Variants in ADGRL2 observed in about 807,000 individuals in gnomAD.
ADGRL2 encodes the protein calcium-independent alpha-latrotoxin receptor 2.
ADGRL2 carries 44 observed loss-of-function variants against 157.4 expected under a neutral mutation model. The ratio of observed to expected loss-of-function variants is 0.28; its 90% CI spans 0.22 to 0.36. The LOEUF is 0.36. Among genes scored for constraint, ADGRL2 ranks in the 10% least tolerant of loss-of-function variants. ADGRL2 has a pLI of 1.00. For missense variants in ADGRL2, 1,510 were observed against 1,768.9 expected (o/e 0.85, Z 2.63); for synonymous variants, 585 against 624.7 (o/e 0.94, Z 0.95).
chr1:81,878,593 G>A (rs2093902314), intron 2 of ADGRL2, among the ~76,000 whole-genome samples: 1 of 152,112 alleles, frequency 6.6e-6, no homozygotes, highest in African/African-American at 2.4e-5. Context: ...TAACACACTA[G>A]CAGATGGTCA....
intron 3 of ADGRL2, among the ~76,000 whole-genome samples, chr1:81,585,209 C>T (rs565615715): frequency 1.5e-4 from 23 of 152,110 alleles, no homozygotes; most frequent in South Asian, 6.2e-4. Flanking sequence ...ATAAGGAAAG[C>T]GGAGTTTTTA....
rs540724174 is a variant in ADGRL2 at position 81,763,871 on chromosome 1, T to C, written c.-101+2019T>C. Among the ~76,000 whole-genome samples, 8 of 152,020 alleles carry C rather than the reference T, an allele frequency of 5.3e-5. No homozygotes were observed. In the South Asian group the frequency reaches 1.7e-3, roughly 32 times the overall value. ...AATATACAAAATTAGCTGGGCGTGG[T>C]GGTGCACGCCTGTAATCCCAGCTAC... On this transcript the variant is annotated intron_variant, in intron 2 of 20. Coordinates refer to the ADGRL2 transcript ENST00000359929.
At chr1:81,565,505 C>G (rs1430977275) in intron 2 of ADGRL2, among the ~76,000 whole-genome samples, 1 of 152,132 alleles carries the variant, frequency 6.6e-6, no homozygotes, top group Admixed American at 6.6e-5. Context: ...TTCAAAGAGG[C>G]ACTTGTGTTT....
chr1:81,826,080 AGAT>A (rs2091456624), intron 1 of ADGRL2, among the ~76,000 whole-genome samples: 2 of 152,212 alleles, frequency 1.3e-5, no homozygotes, highest in Admixed American at 6.5e-5. Flanking sequence ...CCCAAACTTA[AGAT>A]GAATAATGCT....
At position 81,332,863 on chromosome 1, in the gene ADGRL2, A is replaced by G. The variant is rs190330538; in HGVS notation, c.-302+26354A>G. On this transcript the variant is annotated intron_variant, in intron 1 of 24. Transcript: ENST00000370721. ...TTTGTGTTATTGTTTTGTGTTTTAA[A>G]AGTATATGTTTTTCTTTACCTTTGT... Among the ~76,000 whole-genome samples, 105 of 152,312 alleles carry G rather than the reference A, an allele frequency of 6.9e-4. No homozygotes were observed. The South Asian group carries it at 7.5e-3, about 11-fold the overall frequency.
chr1:81,528,664 A>G (rs1226509925), intron 2 of ADGRL2, among the ~76,000 whole-genome samples: 3 of 49,522 alleles, frequency 6.1e-5, no homozygotes, highest in South Asian at 1.0e-3. Context: ...AAAAAAAAAA[A>G]AAAAAAAAAA....
At chr1:81,890,117 T>C (rs1342271920) in intron 2 of ADGRL2, among the ~76,000 whole-genome samples, 2 of 152,192 alleles carry the variant, frequency 1.3e-5, no homozygotes, top group Non-Finnish European at 2.9e-5. Flanking sequence ...GATAGTTTCC[T>C]GATATAGTTT....
At chr1:81,513,920 C>G (rs1371771458) in intron 2 of ADGRL2, 6 of 152,176 alleles carry the variant, frequency 3.9e-5, no homozygotes. Flanking sequence ...TATTTATCCC[C>G]CCTTCCTGTC....
intron 1 of ADGRL2, among the ~76,000 whole-genome samples, chr1:81,388,473 A>G (rs2076477015): frequency 1.3e-5 from 2 of 152,118 alleles, no homozygotes; most frequent in Admixed American, 6.6e-5. Context: ...TTGCTCTTCA[A>G]TGTGCCAGAT....
Position 81,722,579 on chromosome 1 carries a change from T to G in ADGRL2, c.-143+22771T>G. ...TGGCGAGGGAAAGCACACAGACGCC[T>G]AGGCCACTGGGAAGATGTAGCCCAT... On this transcript the variant is annotated intron_variant, in intron 1 of 20. Transcript: ENST00000359929. The G allele has an allele frequency of 6.8e-6, 10 of 1,470,166 alleles. No individual in the cohort carries two copies. The South Asian group carries it at 1.0e-4, about 15-fold the overall frequency. 91.1% of individuals were successfully genotyped at this position (1,470,166 alleles called of 1,614,324 possible).
chr1:81,938,803 T>C (rs1380289829), intron 4 of ADGRL2, among the ~76,000 whole-genome samples: 1 of 66,854 alleles, frequency 1.5e-5, no homozygotes, highest in Admixed American at 1.4e-4. Context: ...TAATCCTATG[T>C]AGGACAGTGT....
chr1:81,985,812 G>A (rs1300273631), intron 21 of ADGRL2, among the ~76,000 whole-genome samples: 1 of 151,826 alleles, frequency 6.6e-6, no homozygotes. Context: ...CTTAAAATAT[G>A]CTAGGAAATG....
intron 1 of ADGRL2, among the ~76,000 whole-genome samples, chr1:81,333,059 A>C (rs1661378392): frequency 1.3e-5 from 2 of 152,140 alleles, no homozygotes; most frequent in South Asian, 4.1e-4. Flanking sequence ...CAAATCATGA[A>C]ACCTCTCTAG....
intron 1 of ADGRL2, among the ~76,000 whole-genome samples, chr1:81,810,634 T>C (rs1428722276): frequency 2.0e-5 from 3 of 151,898 alleles, no homozygotes; most frequent in African/African-American, 4.8e-5. Flanking sequence ...TTGGGAAACA[T>C]TAATTTTGAT....
chr1:81,956,013 A>G lies in ADGRL2; in HGVS notation c.1970A>G (p.Asp657Gly), dbSNP rs754177828. 4.3e-6 allele frequency: 7 copies of G among 1,611,606 alleles called. 1 individual carries two copies. The South Asian group carries it at 6.6e-5, about 15-fold the overall frequency. The part of the protein sequence containing the change: ...TLEEGAFVLA[D>G]NLLEPTRVSM... ...GAAGAAGGAGCTTTTGTCCTAGCTG[A>G]CAATCTTTTAGAACCAACAAGGGTC... Residue 657 changes from aspartate to glycine, a missense_variant, in exon 11 of 24, where the codon GAC becomes GGC. Asp to Gly is a moderately conservative substitution (Grantham distance 94). Around this residue, in one of 4 missense-constraint regions of ADGRL2, gnomAD observed 325 missense variants for 333.2 expected, o/e 0.98. Transcript: ENST00000686636.
intron 13 of ADGRL2, among the ~76,000 whole-genome samples, 156 bp from the exon 14 acceptor site, chr1:81,967,870 C>T (rs1050031736): frequency 6.6e-6 from 1 of 152,104 alleles, no homozygotes. Context: ...TAGATATCTG[C>T]CTTGTATAAC....
At chr1:81,425,853 A>G (rs1177271639) in intron 1 of ADGRL2, among the ~76,000 whole-genome samples, 1 of 141,822 alleles carries the variant, frequency 7.1e-6, no homozygotes, top group Non-Finnish European at 1.6e-5. Context: ...TAACAAAAGA[A>G]AATACAAATT....
intron 2 of ADGRL2, among the ~76,000 whole-genome samples, chr1:81,526,858 G>A (rs757858426): frequency 2.0e-5 from 3 of 152,132 alleles, no homozygotes; most frequent in South Asian, 2.1e-4. Flanking sequence ...GGGTAAGTTC[G>A]CCCAAGGGCA....
At chr1:81,311,378 C>A (rs1378986390) in intron 1 of ADGRL2, among the ~76,000 whole-genome samples, 1 of 152,146 alleles carries the variant, frequency 6.6e-6, no homozygotes, top group East Asian at 1.9e-4. Context: ...TTATATCACA[C>A]AAGTCAGCCT....
Sources: gnomAD v4.1 joint callset for allele counts (sites outside exome capture counted in the v4.1 genomes callset) on GRCh38, gnomAD v4.1.1 for gene constraint, gnomAD v4.1.1 regional missense constraint, MANE v1.5 for transcripts, NCBI Gene and HGNC (gene_info 2026-07-23, HGNC 2026-07-21) for gene names.